The following KCNT1 variants were observed in gnomAD, a reference collection of about 807,000 sequenced individuals.
KCNT1 encodes potassium channel subfamily T member 1.
KCNT1 carries 78 observed loss-of-function variants against 147.8 expected under a neutral mutation model. The observed-to-expected ratio is 0.53, with a 90% CI of 0.44 to 0.64. The LOEUF is 0.64. KCNT1 is among the 30% of genes least tolerant of loss of function. The pLI, the probability that KCNT1 is intolerant of heterozygous loss-of-function variation, is 0.00. For missense variants in KCNT1, 1,419 were observed against 1,750.3 expected (o/e 0.81, Z 3.38); for synonymous variants, 867 against 748.8 (o/e 1.16, Z -2.58).
At chr9:135,771,641 C>T (rs763549749) in intron 18 of KCNT1, among the ~76,000 whole-genome samples, 12 of 152,314 alleles carry the variant, frequency 7.9e-5, no homozygotes, top group Middle Eastern at 3.4e-3. Context: ...TCGCAGTGGC[C>T]GAGGGCTTTG....
Position 135,792,821 on chromosome 9 carries a change from GACGCCATTTCCTCTACTTCACACTGA to G in KCNT1, c.*663_*688del, listed in dbSNP as rs1186859666. 1.3e-5 allele frequency: 2 copies of G among 152,274 alleles called. No individual in the cohort carries two copies. The highest frequency in any genetic ancestry group is 2.9e-5 in the Non-Finnish European group (2 of 68,108). 9.4% of individuals were successfully genotyped at this position (152,274 alleles called of 1,614,324 possible). ...GAGGACCTTTCTGAAGGAAGCAGAA[GACGCCATTTCCTCTACTTCACACTGA>G]ACTGTCCCAGCCACTGCATCTAGGG... On this transcript the variant is annotated 3_prime_UTR_variant, in exon 31 of 31. Coordinates refer to ENST00000371757, the MANE Select transcript of KCNT1 (RefSeq NM_020822.3).
chr9:135,703,670 C>G (rs1835125928), intron 1 of KCNT1, among the ~76,000 whole-genome samples: 1 of 152,202 alleles, frequency 6.6e-6, no homozygotes, highest in Admixed American at 6.5e-5. Flanking sequence ...TCTTTGTGGG[C>G]TGGCCGGCCC....
intron 1 of KCNT1, among the ~76,000 whole-genome samples, chr9:135,710,973 T>C (rs1352866603): frequency 1.3e-5 from 2 of 152,138 alleles, no homozygotes; most frequent in East Asian, 3.9e-4. Context: ...GAGCAGGGCT[T>C]TCTCCCGGTG....
chr9:135,758,279 G>T lies in KCNT1; in HGVS notation c.760-135G>T, dbSNP rs1341677677. On this transcript the variant is annotated intron_variant, in intron 9 of 30. Transcript: ENST00000371757. The stretch of plus-strand genomic sequence containing the variant: ...GAGACACAGGTGTGGCCAGGTACAG[G>T]CTGCCCCGTGGGCCTCAGCCGAGAC... 4 of 682,846 alleles carry T rather than the reference G, an allele frequency of 5.9e-6. No individual in the cohort carries two copies. The African/African-American group carries it at 7.0e-5, about 12-fold the overall frequency. 42.3% of individuals were successfully genotyped at this position (682,846 alleles called of 1,614,324 possible).
rs1487574287 is a variant in KCNT1 at position 135,775,329 on chromosome 9, C to T, written c.2263C>T (p.Pro755Ser). ...CCCCAGGTATGTGAAGGGCTACCCT[C>T]CCAACTCGCCCTACATCGGCAGCTC... ...SVVEYVKGYP[P>S]NSPYIGSSPT... Residue 755 changes from proline to serine, a missense_variant, in exon 20 of 31, where the codon CCC becomes TCC. Physicochemically the swap from Pro to Ser is moderately conservative, Grantham distance 74. This residue lies in a region of KCNT1 where 247 missense variants were observed against 397.1 expected (regional missense o/e 0.62). Coordinates refer to ENST00000371757, the MANE Select transcript of KCNT1 (RefSeq NM_020822.3). 6.2e-7 allele frequency: 1 copy of T among 1,608,796 alleles called. No individual in the cohort carries two copies. Among genetic ancestry groups the T allele is most frequent in the African/African-American group, 1.3e-5 (1 of 74,882 alleles).
chr9:135,772,921 T>C lies in KCNT1; in HGVS notation c.2215T>C (p.Ser739Pro). Residue 739 changes from serine to proline, a missense_variant, in exon 19 of 31, where the codon TCG becomes CCG. Ser to Pro is a moderately conservative substitution (Grantham distance 74). Around this residue, in one of 5 missense-constraint regions of KCNT1, gnomAD observed 284 missense variants for 292.8 expected, o/e 0.97. Coordinates refer to ENST00000371757, the MANE Select transcript of KCNT1 (RefSeq NM_020822.3). ...CCAGTCGGAGGATGAGGTGACGCCGTCGGACGACGAGGGGCTCTCCGTGGT... is the reference window on the plus strand; with the variant it reads ...CCAGTCGGAGGATGAGGTGACGCCGCCGGACGACGAGGGGCTCTCCGTGGT... ...SDQSEDEVTP[S>P]DDEGLSVVEY... The C allele has an allele frequency of 6.6e-7, 1 of 1,526,562 alleles. No homozygotes were observed. Among genetic ancestry groups the C allele is most frequent in the Admixed American group, 2.1e-5 (1 of 46,602 alleles). 94.6% of individuals were successfully genotyped at this position (1,526,562 alleles called of 1,614,324 possible).
chr9:135,781,713 G>A (rs1272635442), intron 24 of KCNT1, among the ~76,000 whole-genome samples: 1 of 152,168 alleles, frequency 6.6e-6, no homozygotes, highest in Non-Finnish European at 1.5e-5. Context: ...AGGCCCAGTG[G>A]AAGGATAAAG....
chr9:135,761,714 C>T (rs1001766911), intron 11 of KCNT1, among the ~76,000 whole-genome samples: 9 of 152,202 alleles, frequency 5.9e-5, no homozygotes, highest in East Asian at 5.8e-4. Flanking sequence ...TCTGCAGAGG[C>T]GTTGACCCAT....
intron 4 of KCNT1, 36 bp downstream of exon 4, chr9:135,751,077 G>C: frequency 6.3e-7 from 1 of 1,579,050 alleles, no homozygotes; most frequent in Non-Finnish European, 8.6e-7. Context: ...GGGGTCCCGG[G>C]TCCCAGGGCT....
chr9:135,774,554 G>T (rs530807793), intron 19 of KCNT1, among the ~76,000 whole-genome samples: 2 of 149,010 alleles, frequency 1.3e-5, no homozygotes, highest in South Asian at 4.3e-4. Flanking sequence ...TGTGTTGTGT[G>T]GTCTGTGTGG....
chr9:135,783,622 C>T (rs1460020055), intron 24 of KCNT1, among the ~76,000 whole-genome samples: 1 of 152,254 alleles, frequency 6.6e-6, no homozygotes, highest in Non-Finnish European at 1.5e-5. Context: ...TCCTCCTCAG[C>T]CCAGACTCCA....
At chr9:135,711,655 G>A (rs540321248) in intron 1 of KCNT1, among the ~76,000 whole-genome samples, 4 of 152,352 alleles carry the variant, frequency 2.6e-5, no homozygotes, top group Admixed American at 6.5e-5. Context: ...AACAGCTGAC[G>A]GGGACTTCCT....
chr9:135,760,715 C>A (rs1831858086), intron 11 of KCNT1, among the ~76,000 whole-genome samples: 1 of 152,242 alleles, frequency 6.6e-6, no homozygotes, highest in Non-Finnish European at 1.5e-5. Flanking sequence ...ATATCCAAGC[C>A]AAAGCTGTGG....
chr9:135,740,775 T>A (rs1830527266), intron 2 of KCNT1, among the ~76,000 whole-genome samples: 2 of 152,166 alleles, frequency 1.3e-5, no homozygotes, highest in African/African-American at 4.8e-5. Flanking sequence ...AACAGCTAAG[T>A]TAGGGCTGGC....
At chr9:135,771,313 C>A (rs1312276699) in intron 18 of KCNT1, 3 of 603,110 alleles carry the variant, frequency 5.0e-6, no homozygotes, top group African/African-American at 3.7e-5. Context: ...CCAGACCGGG[C>A]AGGGCAGGAG....
chr9:135,776,789 G>T (rs1833204349), intron 20 of KCNT1, among the ~76,000 whole-genome samples: 1 of 152,348 alleles, frequency 6.6e-6, no homozygotes, highest in East Asian at 1.9e-4. Flanking sequence ...TGGGTGGGGT[G>T]GGGGCCTTCA....
At chr9:135,716,202 G>A (rs544015691) in intron 2 of KCNT1, among the ~76,000 whole-genome samples, 4 of 152,292 alleles carry the variant, frequency 2.6e-5, no homozygotes, top group South Asian at 2.1e-4. Context: ...TCTTGAAAAC[G>A]GCAGCCCTGG....
rs371130154 is a variant in KCNT1, at chr9:135,742,881, T to A, written c.255-7217T>A. On this transcript the variant is annotated intron_variant, in intron 2 of 30. Transcript: ENST00000371757. ...GGGCTCTTAGAGGTGTGAGAGCCCT[T>A]GTTTCTGGGGGGTCCCCTCAACCCA... 2.1e-4 allele frequency: 152 copies of A among 713,036 alleles called. 4 individuals carry two copies. The East Asian group carries it at 2.2e-3, about 10-fold the overall frequency. The allele number at this position is 713,036 out of a possible 1,614,324, so 44.2% of individuals were successfully genotyped here. A position where few individuals can be genotyped will look rare whatever the true frequency, so the allele number is the denominator to read the frequency against.
At chr9:135,726,921 C>CCCTCTCCCTCTCTTTCCCAT (rs1836182850) in intron 2 of KCNT1, among the ~76,000 whole-genome samples, 2 of 99,598 alleles carry the variant, frequency 2.0e-5, no homozygotes, top group Non-Finnish European at 4.3e-5. Context: ...CTCTCTCCCT[C>CCCTCTCCCTCTCTTTCCCAT]TCTCTCTCTC....
Sources: allele counts gnomAD v4.1 joint callset (sites outside exome capture counted in the v4.1 genomes callset), GRCh38; gene constraint gnomAD v4.1.1; regional missense constraint gnomAD v4.1.1; transcripts MANE v1.5; gene names NCBI Gene and HGNC (gene_info 2026-07-23, HGNC 2026-07-21).